The following KIAA1217 variants were observed in gnomAD, a reference collection of about 807,000 sequenced individuals.
The protein encoded by KIAA1217 is sickle tail protein homolog.
Under a neutral mutation model 163.9 loss-of-function variants are expected in KIAA1217, and 88 were observed. The ratio of observed to expected loss-of-function variants is 0.54; its 90% CI spans 0.45 to 0.64. The LOEUF (loss-of-function observed/expected upper bound fraction) is 0.64. KIAA1217 is among the 30% of genes least tolerant of loss of function. The pLI is 0.00. For synonymous variants in KIAA1217, 903 were observed against 923.1 expected (o/e 0.98, Z 0.39); for missense variants, 2,372 against 2,475.0 (o/e 0.96, Z 0.88).
At chr10:23,967,236 G>A (rs557139724) in intron 1 of KIAA1217, among the ~76,000 whole-genome samples, 1 of 151,786 alleles carries the variant, frequency 6.6e-6, no homozygotes, top group Non-Finnish European at 1.5e-5. Flanking sequence ...GAAAATAAGG[G>A]AACTAAGAGT....
intron 6 of KIAA1217, among the ~76,000 whole-genome samples, chr10:24,492,533 T>TC (rs1274316145): frequency 6.6e-6 from 1 of 152,184 alleles, no homozygotes; most frequent in Admixed American, 6.5e-5. Flanking sequence ...GTGTTTTTTT[T>TC]CCTCCTTGGT....
intron 2 of KIAA1217, among the ~76,000 whole-genome samples, chr10:24,155,665 T>C (rs975861200): frequency 1.3e-5 from 2 of 151,858 alleles, no homozygotes; most frequent in African/African-American, 2.4e-5. Flanking sequence ...TACTAAAAAA[T>C]ACAAAAATTA....
chr10:24,545,219 C>T (rs2075600499), intron 20 of KIAA1217, 116 bp downstream of exon 20: 3 of 1,496,594 alleles, frequency 2.0e-6, no homozygotes, highest in African/African-American at 2.8e-5. Context: ...ACATAGACAT[C>T]CTGGATCTGG....
chr10:24,384,514 C>T (rs1288751315), intron 3 of KIAA1217, among the ~76,000 whole-genome samples: 3 of 152,140 alleles, frequency 2.0e-5, no homozygotes, highest in Non-Finnish European at 4.4e-5. Flanking sequence ...TGCTGTTGTA[C>T]ATTCCATGGA....
rs2131849990 is a variant in KIAA1217 at position 24,147,853 on chromosome 10, A to AG, written c.-170-71773_-170-71772insG. Among the ~76,000 whole-genome samples, 3 of 149,992 alleles carry AG rather than the reference A, an allele frequency of 2.0e-5. No homozygotes were observed. In the South Asian group the frequency reaches 6.3e-4, roughly 31 times the overall value. Reference sequence around the variant, plus strand: ...GTCTCAAAAAAAAAAAAAAAAAAAAAAAAAAAAAAGAAAGAAAGAGAAAAG... The same window carrying AG: ...GTCTCAAAAAAAAAAAAAAAAAAAAAGAAAAAAAAAGAAAGAAAGAGAAAAG... On this transcript the variant is annotated intron_variant, in intron 2 of 18. Coordinates refer to the KIAA1217 transcript ENST00000376462.
intron 1 of KIAA1217, among the ~76,000 whole-genome samples, chr10:23,861,542 A>C (rs1044499607): frequency 6.6e-6 from 1 of 152,182 alleles, no homozygotes; most frequent in South Asian, 2.1e-4. Flanking sequence ...GCCCAGTCTA[A>C]TCCTATGAAT....
At chr10:24,070,652 A>G (rs1018328134) in intron 2 of KIAA1217, among the ~76,000 whole-genome samples, 43 of 152,232 alleles carry the variant, frequency 2.8e-4, no homozygotes, top group African/African-American at 9.9e-4. Context: ...CTCAGGGTCA[A>G]ATCTGATAGT....
chr10:24,026,796 T>C (rs1201997455), intron 2 of KIAA1217, among the ~76,000 whole-genome samples: 2 of 150,072 alleles, frequency 1.3e-5, no homozygotes, highest in African/African-American at 2.4e-5. Context: ...CTGCTTATTT[T>C]AGATTTATTT....
At chr10:24,422,554 C>G (rs2058819662) in intron 3 of KIAA1217, among the ~76,000 whole-genome samples, 1 of 152,146 alleles carries the variant, frequency 6.6e-6, no homozygotes, top group Non-Finnish European at 1.5e-5. Flanking sequence ...GGACAAGTTT[C>G]TAAATATCCA....
At chr10:24,476,483 A>T (rs2064055095) in intron 6 of KIAA1217, among the ~76,000 whole-genome samples, 2 of 152,236 alleles carry the variant, frequency 1.3e-5, no homozygotes, top group Admixed American at 1.3e-4. Flanking sequence ...TCAGTTTTAC[A>T]TGTTAGAAAA....
intron 2 of KIAA1217, among the ~76,000 whole-genome samples, chr10:24,039,438 G>A (rs576165935): frequency 6.6e-6 from 1 of 152,166 alleles, no homozygotes; most frequent in East Asian, 1.9e-4. Flanking sequence ...ATACTCCCTC[G>A]ATATGCTGGG....
At chr10:24,292,877 AAAG>A (rs1031003264) in intron 2 of KIAA1217, among the ~76,000 whole-genome samples, 2 of 152,142 alleles carry the variant, frequency 1.3e-5, no homozygotes, top group African/African-American at 4.8e-5. Flanking sequence ...TAGAAAAAAA[AAAG>A]AAGAAAGGTG....
At chr10:24,171,643 A>G (rs2065632177) in intron 2 of KIAA1217, among the ~76,000 whole-genome samples, 1 of 152,128 alleles carries the variant, frequency 6.6e-6, no homozygotes, top group African/African-American at 2.4e-5. Context: ...CGTCTCTACT[A>G]AAAACACAAA....
chr10:23,873,605 A>T (rs574245933), intron 1 of KIAA1217, among the ~76,000 whole-genome samples: 1 of 151,980 alleles, frequency 6.6e-6, no homozygotes, highest in South Asian at 2.1e-4. Context: ...TCTGTTACTG[A>T]TTTCATCCTC....
At chr10:24,341,943 ATGT>A (rs1172607271) in intron 2 of KIAA1217, among the ~76,000 whole-genome samples, 2 of 152,158 alleles carry the variant, frequency 1.3e-5, no homozygotes, top group Non-Finnish European at 2.9e-5. Flanking sequence ...ATAATAATTG[ATGT>A]TGTTTGAAAA....
intron 2 of KIAA1217, among the ~76,000 whole-genome samples, chr10:24,095,769 T>G (rs960656621): frequency 6.6e-6 from 1 of 152,148 alleles, no homozygotes; most frequent in African/African-American, 2.4e-5. Context: ...ATTATACCTT[T>G]TAGATACCTC....
At position 24,073,884 on chromosome 10, in the gene KIAA1217, T is replaced by C. The variant is rs114160469; in HGVS notation, c.-171+66510T>C. 2.7e-3 allele frequency among the ~76,000 whole-genome samples: 416 copies of C among 152,104 alleles called. 3 individuals carry two copies. Among genetic ancestry groups the C allele is most frequent in the African/African-American group, 9.4e-3 (389 of 41,496 alleles). On this transcript the variant is annotated intron_variant, in intron 2 of 18. Transcript: ENST00000376462. The stretch of plus-strand genomic sequence containing the variant: ...GTGGGAGGACACAGGGAAGTGGAGG[T>C]TAAAACAGGGTTTCTGTAGTAGGTG...
chr10:24,251,658 C>T (rs575030331), intron 2 of KIAA1217, among the ~76,000 whole-genome samples: 16 of 152,018 alleles, frequency 1.1e-4, no homozygotes, highest in Admixed American at 2.6e-4. Flanking sequence ...ACCTGCCTCC[C>T]TTACATGCCT....
At chr10:23,789,327 C>T (rs763564749) in intron 1 of KIAA1217, among the ~76,000 whole-genome samples, 1 of 152,180 alleles carries the variant, frequency 6.6e-6, no homozygotes, top group Non-Finnish European at 1.5e-5. Context: ...CACTGATTAT[C>T]TGAAAACAAA....
Sources: gnomAD v4.1 joint callset for allele counts (sites outside exome capture counted in the v4.1 genomes callset) on GRCh38, gnomAD v4.1.1 for gene constraint, MANE v1.5 for transcripts, NCBI Gene and HGNC (gene_info 2026-07-23, HGNC 2026-07-21) for gene names.